Variants in ICE1 observed in about 807,000 individuals in gnomAD.
ICE1 encodes interactor of little elongation complex ELL subunit 1, also known as little elongation complex subunit 1.
A neutral mutation model predicts 192.7 loss-of-function variants in ICE1; 64 were observed. The ratio of observed to expected loss-of-function variants is 0.33; its 90% CI spans 0.27 to 0.41. The LOEUF (loss-of-function observed/expected upper bound fraction) is 0.41, where lower values mean the gene tolerates loss of function less well. Ranked by LOEUF, ICE1 falls within the 10% of genes least tolerant of loss-of-function variation. ICE1 has a pLI of 1.00. For missense variants in ICE1, 2,708 were observed against 2,696.0 expected, an observed-to-expected ratio of 1.00 and a Z score of -0.10; for synonymous variants, 1,010 against 984.5, an observed-to-expected ratio of 1.03 and a Z score of -0.49.
intron 3 of ICE1, among the ~76,000 whole-genome samples, chr5:5,438,608 G>A (rs1308330533): frequency 1.3e-5 from 2 of 152,130 alleles, no homozygotes; most frequent in Non-Finnish European, 1.5e-5. Flanking sequence ...AAATAGATGG[G>A]CAGTTCCAGT....
At chr5:5,431,458 G>A (rs2111333827) in intron 1 of ICE1, among the ~76,000 whole-genome samples, 1 of 152,236 alleles carries the variant, frequency 6.6e-6, no homozygotes, top group Non-Finnish European at 1.5e-5. Context: ...GAAGGACCAT[G>A]TTCACATCTT....
At chr5:5,478,698 C>T (rs1431845041) in intron 17 of ICE1, among the ~76,000 whole-genome samples, 1 of 152,132 alleles carries the variant, frequency 6.6e-6, no homozygotes, top group Non-Finnish European at 1.5e-5. Context: ...TCAAACTATA[C>T]TAAAAGGCTA....
At chr5:5,477,826 A>G (rs1739363380) in intron 17 of ICE1, among the ~76,000 whole-genome samples, 3 of 152,358 alleles carry the variant, frequency 2.0e-5, no homozygotes, top group Non-Finnish European at 4.4e-5. Context: ...GGCTGGTTCA[A>G]CATATGCAAA....
rs1738885916 is a variant in ICE1, at chr5:5,463,857, G to A, written c.4523G>A (p.Ser1508Asn). The change falls in exon 13 of 19, where the codon AGT becomes AAT. Residue 1508 changes from serine (S) to asparagine (N), a missense_variant. Physicochemically the swap from Ser to Asn is conservative, Grantham distance 46 (BLOSUM62 1). Coordinates refer to ENST00000296564, the MANE Select transcript of ICE1 (RefSeq NM_015325.3). Reference protein sequence around the residue: ...SSGQSTNFDKSRLRNRPVKPS... With the variant: ...SSGQSTNFDKNRLRNRPVKPS... ...GGTCAGAGCACCAACTTTGATAAGA[G>A]TCGTTTGCGAAATAGACCCGTTAAG... is the stretch of plus-strand genomic sequence containing the variant. The A allele has an allele frequency of 5.6e-6, 9 of 1,613,958 alleles. No individual in the cohort carries two copies. The highest frequency in any genetic ancestry group is 7.6e-6 in the Non-Finnish European group (9 of 1,179,870).
chr5:5,451,044 T>C (rs1431992177), intron 10 of ICE1, among the ~76,000 whole-genome samples: 1 of 152,130 alleles, frequency 6.6e-6, no homozygotes, highest in East Asian at 1.9e-4. Context: ...AGTTGACTAG[T>C]AAGTGAACAA....
At chr5:5,434,838 G>A (rs2111338513) in intron 1 of ICE1, among the ~76,000 whole-genome samples, 1 of 152,280 alleles carries the variant, frequency 6.6e-6, no homozygotes, top group Non-Finnish European at 1.5e-5. Context: ...CTAGCCTAGT[G>A]GATGAAAAGT....
chr5:5,454,903 G>T (rs545634888), intron 11 of ICE1, among the ~76,000 whole-genome samples: 16 of 151,976 alleles, frequency 1.1e-4, no homozygotes, highest in Non-Finnish European at 2.2e-4. Context: ...GGTGGAGAGG[G>T]GATACTTGAA....
rs1439311412 is a variant in ICE1, at chr5:5,464,226, C to G, written c.4892C>G (p.Pro1631Arg). Residue 1631 changes from proline (P) to arginine (R), a missense_variant, in exon 13 of 19, where the codon CCT (proline) becomes CGT (arginine). Around this residue, in one of 2 missense-constraint regions of ICE1, gnomAD observed 2,366 missense variants for 2,276.6 expected, o/e 1.04. Transcript: ENST00000296564. This position sits in a 1 kb window ranked among gnomAD's most constrained non-coding sequence, Gnocchi z 4.0. The stretch of plus-strand genomic sequence containing the variant: ...AAAATACGGCAAGAGGTGGGGCCTC[C>G]TTTGCCGCCTCTGCTTGCTCCTCTG... ...LSKIRQEVGP[P>R]LPPLLAPLIA... 2 of 1,613,560 alleles carry G rather than the reference C, an allele frequency of 1.2e-6. No individual in the cohort carries two copies. Among genetic ancestry groups the G allele is most frequent in the Non-Finnish European group, 1.7e-6 (2 of 1,179,822 alleles).
chr5:5,476,333 A>G (rs1481463304), intron 17 of ICE1, among the ~76,000 whole-genome samples: 1 of 152,222 alleles, frequency 6.6e-6, no homozygotes, highest in Non-Finnish European at 1.5e-5. Flanking sequence ...TTAGATGCTA[A>G]TACTAATATA....
chr5:5,487,130 A>T (rs114625657), intron 18 of ICE1, among the ~76,000 whole-genome samples: 92 of 152,264 alleles, frequency 6.0e-4, no homozygotes, highest in African/African-American at 2.2e-3. Flanking sequence ...CTGACAAGTG[A>T]CTTAACCTGG....
chr5:5,467,395 C>T (rs1017256218), intron 14 of ICE1, among the ~76,000 whole-genome samples: 2 of 152,130 alleles, frequency 1.3e-5, no homozygotes, highest in Admixed American at 6.5e-5. Flanking sequence ...GCCAGGACCA[C>T]GATGGATTTC....
At position 5,464,323 on chromosome 5, in the gene ICE1, C is replaced by G. The variant is rs756922243; in HGVS notation, c.4989C>G (p.Ala1663=). Residue 1663 remains alanine, a synonymous_variant, in exon 13 of 19, where the codon GCC becomes GCG. Coordinates refer to ENST00000296564, the MANE Select transcript of ICE1 (RefSeq NM_015325.3). This position sits in a 1 kb window ranked among gnomAD's most constrained non-coding sequence, Gnocchi z 4.0. The part of the protein sequence containing the change: ...LISSSSPSSP[A]SPVGQVSPFR... ...CGAGTTCTAGTCCTTCCTCACCAGC[C>G]TCTCCTGTTGGCCAGGTTTCTCCCT... The G allele has an allele frequency of 6.2e-7, 1 of 1,613,582 alleles. No homozygotes were observed. The highest frequency in any genetic ancestry group is 8.5e-7 in the Non-Finnish European group (1 of 1,179,850).
chr5:5,489,448 C>G lies in ICE1; in HGVS notation c.*118C>G. ...ACAAAAAGACATAAAATAGATAAAA[C>G]AGACCAGAGGCTCTCCTTATTGTTT... is the stretch of plus-strand genomic sequence containing the variant. On this transcript the variant is annotated 3_prime_UTR_variant, in exon 19 of 19. Transcript: ENST00000296564. The G allele has an allele frequency of 1.2e-6, 1 of 866,954 alleles. No individual in the cohort carries two copies. The highest frequency in any genetic ancestry group is 1.7e-6 in the Non-Finnish European group (1 of 584,390). The allele number at this position is 866,954 out of a possible 1,614,324, so 53.7% of individuals were successfully genotyped here. A position where few individuals can be genotyped will look rare whatever the true frequency, so the allele number is the denominator to read the frequency against.
At chr5:5,482,658 C>T (rs971779530) in intron 17 of ICE1, among the ~76,000 whole-genome samples, 17 of 152,232 alleles carry the variant, frequency 1.1e-4, no homozygotes, top group Non-Finnish European at 1.9e-4. Context: ...CAGAGCGAGG[C>T]AGTTGCTGGG....
intron 11 of ICE1, 98 bp from the exon 12 acceptor site, chr5:5,457,234 T>G: frequency 8.4e-7 from 1 of 1,195,082 alleles, no homozygotes; most frequent in Non-Finnish European, 1.1e-6. Flanking sequence ...ATTTCAAGCA[T>G]TTTGAACTGT....
intron 17 of ICE1, among the ~76,000 whole-genome samples, chr5:5,482,483 C>A (rs529800990): frequency 6.6e-6 from 1 of 152,330 alleles, no homozygotes; most frequent in South Asian, 2.1e-4. Flanking sequence ...CTTCTCAGGT[C>A]TGCTGATGAA....
chr5:5,462,639 A>AG lies in ICE1; in HGVS notation c.3311dup (p.Asp1105ArgfsTer4). 6.2e-7 allele frequency: 1 copy of AG among 1,613,872 alleles called. No homozygotes were observed. The highest frequency in any genetic ancestry group is 1.1e-5 in the South Asian group (1 of 91,074). On this transcript the variant is annotated frameshift_variant, in exon 13 of 19. Coordinates refer to ENST00000296564, the MANE Select transcript of ICE1 (RefSeq NM_015325.3). LOFTEE classifies it high-confidence loss of function. ...TTACATTGTTACACAGGCATTCGAG[A>AG]GGGGGGAGACGACACTGAGGTAGAG...
intron 1 of ICE1, among the ~76,000 whole-genome samples, chr5:5,425,651 G>A (rs1165553995): frequency 1.3e-5 from 2 of 152,172 alleles, no homozygotes; most frequent in African/African-American, 4.8e-5. Context: ...AACCTTGAAT[G>A]GTAACCATCA....
chr5:5,463,241 A>G lies in ICE1; in HGVS notation c.3907A>G (p.Ser1303Gly), dbSNP rs143644235. Residue 1303 changes from serine (S) to glycine (G), a missense_variant, in exon 13 of 19, where the codon AGT (serine) becomes GGT (glycine). Around this residue, in one of 2 missense-constraint regions of ICE1, gnomAD observed 2,366 missense variants for 2,276.6 expected, o/e 1.04. Coordinates refer to ENST00000296564, the MANE Select transcript of ICE1 (RefSeq NM_015325.3). ...NMTTENLKEK[S>G]PFRETTGSSS... ...GACCACTGAGAATTTAAAAGAGAAA[A>G]GTCCATTTCGGGAAACGACTGGCTC... 3 of 1,612,558 alleles carry G rather than the reference A, an allele frequency of 1.9e-6. No individual in the cohort carries two copies. Among genetic ancestry groups the G allele is most frequent in the Admixed American group, 1.7e-5 (1 of 59,824 alleles).
Sources: allele counts gnomAD v4.1 joint callset (sites outside exome capture counted in the v4.1 genomes callset), GRCh38; gene constraint gnomAD v4.1.1; regional missense constraint gnomAD v4.1.1; non-coding constraint Gnocchi (gnomAD v3.1); transcripts MANE v1.5; gene names NCBI Gene and HGNC (gene_info 2026-07-23, HGNC 2026-07-21).